Variants in LDLRAD1 observed in about 807,000 individuals in gnomAD.
LDLRAD1 encodes the protein low-density lipoprotein receptor class A domain-containing protein 1.
In LDLRAD1, 17 loss-of-function variants were observed where a neutral mutation model predicts 24.8. The observed-to-expected ratio is 0.69, with a 90% CI of 0.47 to 1.03. LDLRAD1 has a LOEUF of 1.03. Ranked by LOEUF, LDLRAD1 falls within the 50% of genes least tolerant of loss-of-function variation. LDLRAD1 has a pLI of 0.00. For synonymous variants in LDLRAD1, 103 were observed against 108.2 expected, an observed-to-expected ratio of 0.95 and a Z score of 0.30; for missense variants, 277 against 271.0, an observed-to-expected ratio of 1.02 and a Z score of -0.16.
At position 54,016,529 on chromosome 1, in the gene LDLRAD1, C is replaced by G. The variant is rs187325725; in HGVS notation, c.73+847G>C. Among the ~76,000 whole-genome samples the G allele has an allele frequency of 2.0e-5, 3 of 152,270 alleles. No homozygotes were observed. In the East Asian group the frequency reaches 5.8e-4, roughly 29 times the overall value. The stretch of plus-strand genomic sequence containing the variant: ...TTAGGTGCCAGTCCTCTCCCTGTAC[C>G]GATGAGGAAAAGGAGGTGATTCTTT... On this transcript the variant is annotated intron_variant, in intron 2 of 5. Coordinates refer to ENST00000371360, the MANE Select transcript of LDLRAD1 (RefSeq NM_001010978.4).
At chr1:54,009,152 G>A (rs779030328) in intron 5 of LDLRAD1, 22 bp from the exon 6 acceptor site, 1 of 1,612,192 alleles carries the variant, frequency 6.2e-7, no homozygotes, top group Non-Finnish European at 8.5e-7. Flanking sequence ...AGAGCCAGCA[G>A]GAGAGCAGTT....
At chr1:54,015,230 A>G (rs6691549) in intron 2 of LDLRAD1, among the ~76,000 whole-genome samples, 62,222 of 151,940 alleles carry the variant, frequency 0.41, 12,972 homozygotes, top group East Asian at 0.56. Context: ...TCAACCTCCC[A>G]AAATGCTGGG....
chr1:54,011,512 T>G (rs975260426), intron 4 of LDLRAD1, among the ~76,000 whole-genome samples: 2 of 152,010 alleles, frequency 1.3e-5, no homozygotes, highest in African/African-American at 2.4e-5. Context: ...GCAATGACTC[T>G]CCCTCCATGA....
intron 2 of LDLRAD1, among the ~76,000 whole-genome samples, chr1:54,015,172 C>A (rs1656249952): frequency 6.6e-6 from 1 of 152,088 alleles, no homozygotes; most frequent in African/African-American, 2.4e-5. Flanking sequence ...ATGGTGCAAT[C>A]TAGTTCACTG....
chr1:54,015,601 A>T (rs1185008729), intron 2 of LDLRAD1, among the ~76,000 whole-genome samples: 1 of 148,858 alleles, frequency 6.7e-6, no homozygotes, highest in Non-Finnish European at 1.5e-5. Context: ...CATCCCTGTG[A>T]CCCCAGGGCC....
intron 3 of LDLRAD1, among the ~76,000 whole-genome samples, chr1:54,013,662 C>G (rs1656161190): frequency 6.6e-6 from 1 of 152,096 alleles, no homozygotes; most frequent in African/African-American, 2.4e-5. Flanking sequence ...GGCATCCCCC[C>G]ACTACTAATA....
intron 1 of LDLRAD1, 68 bp downstream of exon 1, chr1:54,018,024 C>CTGGGGACAGCTCTCACT: frequency 7.1e-7 from 1 of 1,407,134 alleles, no homozygotes; most frequent in South Asian, 1.2e-5. Context: ...CAGCTCTCAC[C>CTGGGGACAGCTCTCACT]TGGGGACAGC....
intron 2 of LDLRAD1, among the ~76,000 whole-genome samples, chr1:54,015,520 A>T (rs1395410328): frequency 3.3e-5 from 5 of 152,124 alleles, no homozygotes; most frequent in Non-Finnish European, 7.4e-5. Context: ...ACATGCCTGA[A>T]GGGGTGTGGG....
In LDLRAD1 at chr1:54,018,087, C is replaced by G. The variant is rs1438429368; in HGVS notation, c.21+5G>C. 2 of 1,613,136 alleles carry G rather than the reference C, an allele frequency of 1.2e-6. No homozygotes were observed. The highest frequency in any genetic ancestry group is 3.3e-5 in the Admixed American group (2 of 59,980). Reference sequence around the variant, plus strand: ...AGACAACTCTCACCTGGGGACAGCTCTCACCTGGGGGAAGACCTTGTTCAT... The same window carrying G: ...AGACAACTCTCACCTGGGGACAGCTGTCACCTGGGGGAAGACCTTGTTCAT... On this transcript the variant is annotated splice_donor_5th_base_variant and intron_variant, in intron 1 of 5. Coordinates refer to ENST00000371360, the MANE Select transcript of LDLRAD1 (RefSeq NM_001010978.4).
intron 1 of LDLRAD1, among the ~76,000 whole-genome samples, chr1:54,017,693 G>A (rs1028135480): frequency 6.6e-5 from 10 of 152,000 alleles, no homozygotes; most frequent in African/African-American, 9.7e-5. Context: ...CTTGGGCAGC[G>A]ACTCCTGGGT....
intron 5 of LDLRAD1, among the ~76,000 whole-genome samples, chr1:54,009,818 G>T: frequency 6.6e-6 from 1 of 152,154 alleles, no homozygotes; most frequent in East Asian, 1.9e-4. Flanking sequence ...TCGGGACTTG[G>T]ATCAGGAGGC....
intron 3 of LDLRAD1, 25 bp from the exon 4 acceptor site, chr1:54,012,305 G>A: frequency 6.2e-7 from 1 of 1,613,692 alleles, no homozygotes; most frequent in South Asian, 1.1e-5. Context: ...AAAGGCCCTG[G>A]AGGGTCAAGG....
intron 2 of LDLRAD1, among the ~76,000 whole-genome samples, chr1:54,014,741 A>G (rs890087784): frequency 6.6e-6 from 1 of 152,198 alleles, no homozygotes; most frequent in Non-Finnish European, 1.5e-5. Context: ...TTTATTTTTC[A>G]AAACAACCTT....
rs1436640020 is a variant in LDLRAD1 at position 54,007,768 on chromosome 1, G to T, written c.*1214C>A. 6.6e-6 allele frequency: 1 copy of T among 152,236 alleles called. No homozygotes were observed. Among genetic ancestry groups the T allele is most frequent in the Non-Finnish European group, 1.5e-5 (1 of 68,106 alleles). 9.4% of individuals were successfully genotyped at this position (152,236 alleles called of 1,614,324 possible). On this transcript the variant is annotated 3_prime_UTR_variant, in exon 6 of 6. Coordinates refer to ENST00000371360, the MANE Select transcript of LDLRAD1 (RefSeq NM_001010978.4). ...GACAAGCTCACTTTTAAAATACCCC[G>T]CAGAGACTGCCCTGGCCAAGGTATA...
Position 54,012,091 on chromosome 1 carries a change from C to T in LDLRAD1, c.340+52G>A, listed in dbSNP as rs1419088706. 4 of 1,603,602 alleles carry T rather than the reference C, an allele frequency of 2.5e-6. No homozygotes were observed. The African/African-American group carries it at 4.0e-5, about 16-fold the overall frequency. ...ATGTGTTCAGTATGGATGCCAAGAG[C>T]ATCGGAGTGTGGGGGAACCCCTGGG... On this transcript the variant is annotated intron_variant, in intron 4 of 5. Coordinates refer to ENST00000371360, the MANE Select transcript of LDLRAD1 (RefSeq NM_001010978.4).
chr1:54,010,360 G>T lies in LDLRAD1; in HGVS notation c.391C>A (p.Pro131Thr), dbSNP rs1228476463. The T allele has an allele frequency of 1.2e-6, 2 of 1,613,800 alleles. No individual in the cohort carries two copies. Among genetic ancestry groups the T allele is most frequent in the Non-Finnish European group, 1.7e-6 (2 of 1,179,962 alleles). The change falls in exon 5 of 6, where the codon CCG (proline) becomes ACG (threonine). Residue 131 changes from proline (P) to threonine (T), a missense_variant. Transcript: ENST00000371360. The part of the protein sequence containing the change: ...PHFLVAHCGD[P>T]ASWIYSDQKC... ...TGGTCTGAGTAGATCCAGGAGGCCG[G>T]GTCTCCACAGTGGGCCACAAGGAAG...
In LDLRAD1 at chr1:54,008,911, G is replaced by C; in HGVS notation, c.*71C>G. The C allele has an allele frequency of 6.9e-7, 1 of 1,442,188 alleles. No individual in the cohort carries two copies. The highest frequency in any genetic ancestry group is 9.5e-7 in the Non-Finnish European group (1 of 1,051,778). The allele number at this position is 1,442,188 out of a possible 1,614,324, so 89.3% of individuals were successfully genotyped here. On this transcript the variant is annotated 3_prime_UTR_variant, in exon 6 of 6. Transcript: ENST00000371360. Reference sequence around the variant, plus strand: ...GCTGCTTCCTGCCCTTGTGCGCTAGGATTTGATTTTCATGTGAAGGGTTAT... The same window carrying C: ...GCTGCTTCCTGCCCTTGTGCGCTAGCATTTGATTTTCATGTGAAGGGTTAT...
At chr1:54,010,815 C>T (rs1656020183) in intron 4 of LDLRAD1, among the ~76,000 whole-genome samples, 1 of 152,224 alleles carries the variant, frequency 6.6e-6, no homozygotes, top group Admixed American at 6.5e-5. Flanking sequence ...TGGAGTCTTA[C>T]AGTTGGGCCC....
intron 1 of LDLRAD1, among the ~76,000 whole-genome samples, 174 bp from the exon 2 acceptor site, chr1:54,017,601 C>T (rs1367754927): frequency 6.6e-6 from 1 of 152,208 alleles, no homozygotes; most frequent in African/African-American, 2.4e-5. Context: ...CATATGTCCA[C>T]ACCTTTGCCT....
Sources: allele counts gnomAD v4.1 joint callset (sites outside exome capture counted in the v4.1 genomes callset), GRCh38; gene constraint gnomAD v4.1.1; transcripts MANE v1.5; gene names NCBI Gene and HGNC (gene_info 2026-07-23, HGNC 2026-07-21).